SRCIN1: variants seen among roughly 807,000 people sequenced by gnomAD.
SRCIN1 encodes the protein P130Cas-associated protein.
A neutral mutation model predicts 116.2 loss-of-function variants in SRCIN1; 50 were observed. That is an observed-to-expected ratio of 0.43 (90% CI 0.34 to 0.54). The LOEUF (loss-of-function observed/expected upper bound fraction) is 0.54, where lower values mean the gene tolerates loss of function less well. Among genes scored for constraint, SRCIN1 ranks in the 20% least tolerant of loss-of-function variants. The pLI, the probability that SRCIN1 is intolerant of heterozygous loss-of-function variation, is 0.02. For synonymous variants in SRCIN1, 736 were observed against 750.0 expected, an observed-to-expected ratio of 0.98 and a Z score of 0.30; for missense variants, 1,446 against 1,672.0, an observed-to-expected ratio of 0.86 and a Z score of 2.36.
At chr17:38,600,708 G>T (rs933033464) in intron 1 of SRCIN1, among the ~76,000 whole-genome samples, 2 of 152,234 alleles carry the variant, frequency 1.3e-5, no homozygotes, top group Non-Finnish European at 2.9e-5. Context: ...GCAGTATCAG[G>T]CCTCCGTGGG....
In SRCIN1 at chr17:38,552,843, T is replaced by C; in HGVS notation, c.2214A>G (p.Lys738=). ...LITQQLNDLE[K]SVEKIQRDVS... ...CGTCTCTCTGGATCTTCTCCACCGATTTCTCCAGGTCACTGCAGCCACAGA... is the reference window on the plus strand; with the variant it reads ...CGTCTCTCTGGATCTTCTCCACCGACTTCTCCAGGTCACTGCAGCCACAGA... Residue 738 remains lysine (K), a synonymous_variant, in exon 12 of 19, where the codon AAA becomes AAG. Coordinates refer to ENST00000617146, the MANE Select transcript of SRCIN1 (RefSeq NM_025248.3). This position sits in a 1 kb window ranked among gnomAD's most constrained non-coding sequence, Gnocchi z 5.3. 6.2e-7 allele frequency: 1 copy of C among 1,613,934 alleles called. No individual in the cohort carries two copies. Among genetic ancestry groups the C allele is most frequent in the Non-Finnish European group, 8.5e-7 (1 of 1,179,860 alleles).
At chr17:38,600,409 C>A (rs1229144106) in intron 1 of SRCIN1, among the ~76,000 whole-genome samples, 2 of 152,190 alleles carry the variant, frequency 1.3e-5, no homozygotes, top group East Asian at 3.9e-4. Flanking sequence ...TGTCCATGAC[C>A]CCTGCAGGGG....
intron 3 of SRCIN1, among the ~76,000 whole-genome samples, chr17:38,567,538 T>C (rs1034793409): frequency 6.6e-6 from 1 of 152,156 alleles, no homozygotes; most frequent in Non-Finnish European, 1.5e-5. Context: ...GCTGTCATGA[T>C]GCCTGGGACT....
intron 17 of SRCIN1, among the ~76,000 whole-genome samples, chr17:38,548,215 G>A (rs995248555): frequency 1.3e-5 from 2 of 152,078 alleles, no homozygotes; most frequent in African/African-American, 4.8e-5. Flanking sequence ...TCAAGCATGA[G>A]CTGATCTCAG....
In SRCIN1 at chr17:38,594,222, G is replaced by A. The variant is rs141357186; in HGVS notation, c.22+11462C>T. On this transcript the variant is annotated intron_variant, in intron 1 of 18. Transcript: ENST00000617146. Reference sequence around the variant, plus strand: ...AAGGGCTCCAATCTCAAGTCTCTCCGCGTTCTCCTGGCTTCTCCCGGCAGC... The same window carrying A: ...AAGGGCTCCAATCTCAAGTCTCTCCACGTTCTCCTGGCTTCTCCCGGCAGC... Among the ~76,000 whole-genome samples, 166 of 152,300 alleles carry A rather than the reference G, an allele frequency of 1.1e-3. 4 individuals carry two copies. In the Middle Eastern group the frequency reaches 0.017, roughly 16 times the overall value.
At chr17:38,536,319 C>T (rs1017623426) in intron 18 of SRCIN1, among the ~76,000 whole-genome samples, 1 of 152,268 alleles carries the variant, frequency 6.6e-6, no homozygotes, top group African/African-American at 2.4e-5. Context: ...GCTGCTGTCT[C>T]TGAAGGTTCC....
At chr17:38,538,175 C>T (rs995493749) in intron 18 of SRCIN1, among the ~76,000 whole-genome samples, 1 of 150,022 alleles carries the variant, frequency 6.7e-6, no homozygotes, top group African/African-American at 2.5e-5. Context: ...AATCCCAGCA[C>T]TGGGAGGCTG....
chr17:38,541,457 C>G (rs1398540775), intron 18 of SRCIN1: 1 of 151,722 alleles, frequency 6.6e-6, no homozygotes, highest in East Asian at 1.9e-4. Flanking sequence ...GCAGCGTGGT[C>G]GGGGGAGCAT....
intron 3 of SRCIN1, among the ~76,000 whole-genome samples, chr17:38,566,890 CTTCCTTCCTTCT>C (rs1182896552): frequency 2.0e-5 from 3 of 149,478 alleles, no homozygotes; most frequent in Admixed American, 6.7e-5. Flanking sequence ...TCCTTCCTTC[CTTCCTTCCTTCT>C]TTCCTTCCTT....
chr17:38,605,761 C>T lies in SRCIN1; in HGVS notation c.-56G>A, dbSNP rs1404180702. The T allele has an allele frequency of 4.9e-5, 44 of 892,436 alleles. No homozygotes were observed. The highest frequency in any genetic ancestry group is 6.0e-5 in the Non-Finnish European group (43 of 715,904). The allele number at this position is 892,436 out of a possible 1,614,324, so 55.3% of individuals were successfully genotyped here. A position where few individuals can be genotyped will look rare whatever the true frequency, so the allele number is the denominator to read the frequency against. ...GGCCGGCCTGCCTGGCGCTCGCCCT[C>T]TCGCCGCCTCGCGGGCTCCTCGCTC... is the stretch of plus-strand genomic sequence containing the variant. On this transcript the variant is annotated 5_prime_UTR_variant, in exon 1 of 19. Coordinates refer to ENST00000617146, the MANE Select transcript of SRCIN1 (RefSeq NM_025248.3).
intron 11 of SRCIN1, among the ~76,000 whole-genome samples, chr17:38,553,654 A>G (rs1247933005): frequency 6.6e-6 from 1 of 152,192 alleles, no homozygotes; most frequent in Non-Finnish European, 1.5e-5. Context: ...GTGTCATTTG[A>G]GACCCTACAT....
Position 38,562,377 on chromosome 17 carries a change from C to T in SRCIN1, c.835-49G>A, listed in dbSNP as rs998493282. The T allele has an allele frequency of 6.9e-5, 96 of 1,394,808 alleles. No homozygotes were observed. The highest frequency in any genetic ancestry group is 8.2e-5 in the Non-Finnish European group (89 of 1,081,728). 86.4% of individuals were successfully genotyped at this position (1,394,808 alleles called of 1,614,324 possible). ...CCCACGGGGCTGGTCACCAAGGACACCCCTGTCCCTTGCTTGAGGAGCCAG... is the reference window on the plus strand; with the variant it reads ...CCCACGGGGCTGGTCACCAAGGACATCCCTGTCCCTTGCTTGAGGAGCCAG... On this transcript the variant is annotated intron_variant, in intron 6 of 18. Coordinates refer to ENST00000617146, the MANE Select transcript of SRCIN1 (RefSeq NM_025248.3). This position sits in a 1 kb window ranked among gnomAD's most constrained non-coding sequence, Gnocchi z 4.2.
chr17:38,577,194 T>A (rs1907470039), intron 2 of SRCIN1, among the ~76,000 whole-genome samples: 1 of 152,190 alleles, frequency 6.6e-6, no homozygotes, highest in Non-Finnish European at 1.5e-5. Context: ...CCTATGATCT[T>A]CCCTCCTCTA....
chr17:38,593,312 AG>A (rs1908540574), intron 1 of SRCIN1, among the ~76,000 whole-genome samples: 1 of 152,128 alleles, frequency 6.6e-6, no homozygotes, highest in South Asian at 2.1e-4. Flanking sequence ...CAGGAGGAAC[AG>A]GGTTGGGGAG....
At chr17:38,574,209 C>T (rs1907262212) in intron 2 of SRCIN1, among the ~76,000 whole-genome samples, 1 of 152,176 alleles carries the variant, frequency 6.6e-6, no homozygotes, top group Admixed American at 6.5e-5. Flanking sequence ...CTATTTTGGG[C>T]CTCAGATGCC....
At chr17:38,583,548 GTTTTTTT>G (rs10691272) in intron 1 of SRCIN1, among the ~76,000 whole-genome samples, 111 of 104,268 alleles carry the variant, frequency 1.1e-3, no homozygotes, top group African/African-American at 3.9e-3. Context: ...TTCATTTTCT[GTTTTTTT>G]TTTTTTTTTT....
At chr17:38,598,684 A>G (rs1908853761) in intron 1 of SRCIN1, among the ~76,000 whole-genome samples, 1 of 152,190 alleles carries the variant, frequency 6.6e-6, no homozygotes. Context: ...GGGTTACTCC[A>G]CATCAGGACA....
chr17:38,587,336 C>A (rs552053793), intron 1 of SRCIN1, among the ~76,000 whole-genome samples: 39 of 152,096 alleles, frequency 2.6e-4, no homozygotes, highest in Non-Finnish European at 4.6e-4. Flanking sequence ...AGCTGTCTCT[C>A]CCCCAGGGCC....
intron 1 of SRCIN1, among the ~76,000 whole-genome samples, chr17:38,597,488 A>G (rs113453345): frequency 2.0e-5 from 3 of 152,250 alleles, no homozygotes; most frequent in Admixed American, 2.0e-4. Context: ...TTGAATGTCT[A>G]CTATGTGCCA....
Sources: allele counts gnomAD v4.1 joint callset (sites outside exome capture counted in the v4.1 genomes callset), GRCh38; gene constraint gnomAD v4.1.1; non-coding constraint Gnocchi (gnomAD v3.1); transcripts MANE v1.5; gene names NCBI Gene and HGNC (gene_info 2026-07-23, HGNC 2026-07-21).